KIAA1549L: variants seen among roughly 807,000 people sequenced by gnomAD.
KIAA1549L encodes UPF0606 protein KIAA1549L.
Under a neutral mutation model 160.7 loss-of-function variants are expected in KIAA1549L, and 88 were observed. The ratio of observed to expected loss-of-function variants is 0.55; its 90% confidence interval spans 0.46 to 0.65. The LOEUF (loss-of-function observed/expected upper bound fraction) is 0.65. KIAA1549L is among the 30% of genes least tolerant of loss of function. The pLI, the probability that KIAA1549L is intolerant of heterozygous loss-of-function variation, is 0.00. For synonymous variants in KIAA1549L, 950 were observed against 976.7 expected (o/e 0.97, Z 0.51); for missense variants, 2,258 against 2,437.5 (o/e 0.93, Z 1.55).
At position 33,506,344 on chromosome 11, in the gene KIAA1549L, G is replaced by A. The variant is rs1397019795; in HGVS notation, c.239-35458G>A. Among the ~76,000 whole-genome samples, 3 of 152,342 alleles carry A rather than the reference G, an allele frequency of 2.0e-5. No individual in the cohort carries two copies. In the East Asian group the frequency reaches 5.8e-4, roughly 29 times the overall value. On this transcript the variant is annotated intron_variant, in intron 1 of 20. Coordinates refer to ENST00000658780, the MANE Select transcript of KIAA1549L (RefSeq NM_012194.3). The stretch of plus-strand genomic sequence containing the variant: ...CTGATTCAAAGCACATGCTGGGGCT[G>A]CAAGGCGCTCGAGTTAGAAAACCAT...
rs976437734 is a variant in KIAA1549L, at chr11:33,669,339, C to T, written c.*1185C>T. On this transcript the variant is annotated 3_prime_UTR_variant, in exon 21 of 21. Transcript: ENST00000658780. ...TGTGACCATGATGTTGCAAGTTGCC[C>T]TCCCTGGCATGGTGAGTTGGCTTCC... 2 of 152,320 alleles carry T rather than the reference C, an allele frequency of 1.3e-5. No individual in the cohort carries two copies. Among genetic ancestry groups the T allele is most frequent in the African/African-American group, 4.8e-5 (2 of 41,568 alleles). 9.4% of individuals were successfully genotyped at this position (152,320 alleles called of 1,614,324 possible).
chr11:33,440,152 C>T lies in KIAA1549L; in HGVS notation c.238+63263C>T, dbSNP rs1489203448. ...TTTTTTTTTTTTTTTTTTTTTGAGA[C>T]GGAGTCTCGCTCTGTCGCCCAGGCT... On this transcript the variant is annotated intron_variant, in intron 1 of 20. Coordinates refer to ENST00000658780, the MANE Select transcript of KIAA1549L (RefSeq NM_012194.3). Among the ~76,000 whole-genome samples the T allele has an allele frequency of 1.5e-3, 102 of 69,542 alleles. 2 individuals are homozygous for T. The highest frequency in any genetic ancestry group is 2.1e-3 in the African/African-American group (44 of 21,144). The allele number at this position is 69,542 out of a possible 152,430, so 45.6% of individuals were successfully genotyped here. A position where few individuals can be genotyped will look rare whatever the true frequency, so the allele number is the denominator to read the frequency against.
chr11:33,591,100 G>A (rs1850038978), intron 11 of KIAA1549L, 137 bp from the exon 12 acceptor site: 1 of 672,192 alleles, frequency 1.5e-6, no homozygotes, highest in South Asian at 1.7e-5. Flanking sequence ...ATAATGATGG[G>A]GATTTGAGTT....
chr11:33,542,606 TG>T lies in KIAA1549L; in HGVS notation c.1045del (p.Ala349GlnfsTer81). ...TCCACACCTGGGTTTTTGAGCCCCATGGCAGAACTGTCCCATCCGTCTCCCC... is the reference window on the plus strand; with the variant it reads ...TCCACACCTGGGTTTTTGAGCCCCATGCAGAACTGTCCCATCCGTCTCCCC... ...GSSTPGFLSP[M>X]AELSHPSPPP... On this transcript the variant is annotated frameshift_variant, in exon 2 of 21. Transcript: ENST00000658780. LOFTEE classifies it high-confidence loss of function. 6.2e-7 allele frequency: 1 copy of T among 1,613,970 alleles called. No individual in the cohort carries two copies. Among genetic ancestry groups the T allele is most frequent in the Non-Finnish European group, 8.5e-7 (1 of 1,179,868 alleles).
intron 1 of KIAA1549L, among the ~76,000 whole-genome samples, chr11:33,455,416 T>C (rs923811909): frequency 2.0e-5 from 3 of 152,168 alleles, no homozygotes; most frequent in Admixed American, 1.3e-4. Context: ...CTTTTGGACA[T>C]TAAAGCTTTA....
chr11:33,660,384 T>A (rs547457973), intron 19 of KIAA1549L, among the ~76,000 whole-genome samples: 1 of 152,228 alleles, frequency 6.6e-6, no homozygotes, highest in South Asian at 2.1e-4. Context: ...GAGACCACGG[T>A]GAAACCCCAT....
At chr11:33,606,917 C>A in intron 14 of KIAA1549L, 95 bp downstream of exon 14, 2 of 1,073,274 alleles carry the variant, frequency 1.9e-6, no homozygotes, top group Non-Finnish European at 2.7e-6. Context: ...GTGCAGATTG[C>A]ACCTAGGGCC....
At chr11:33,399,004 G>T (rs1850444308) in intron 1 of KIAA1549L, among the ~76,000 whole-genome samples, 1 of 149,202 alleles carries the variant, frequency 6.7e-6, no homozygotes, top group African/African-American at 2.5e-5. Flanking sequence ...CCAGGCTGGA[G>T]TTCAGTGGCA....
chr11:33,541,248 T>C (rs1300112485), intron 1 of KIAA1549L, among the ~76,000 whole-genome samples: 3 of 152,208 alleles, frequency 2.0e-5, no homozygotes, highest in African/African-American at 7.2e-5. Context: ...AAAGAAAATC[T>C]CCTTTGCTAT....
At chr11:33,449,262 G>A (rs1019278872) in intron 1 of KIAA1549L, among the ~76,000 whole-genome samples, 4 of 151,532 alleles carry the variant, frequency 2.6e-5, no homozygotes, top group African/African-American at 9.7e-5. Context: ...GTGATCTCTA[G>A]AGATTGTTTC....
At chr11:33,537,320 T>C (rs1853916370) in intron 1 of KIAA1549L, among the ~76,000 whole-genome samples, 1 of 152,204 alleles carries the variant, frequency 6.6e-6, no homozygotes, top group Non-Finnish European at 1.5e-5. Flanking sequence ...TGAAAAATGC[T>C]GGTGTCCATA....
intron 1 of KIAA1549L, among the ~76,000 whole-genome samples, chr11:33,407,196 T>C (rs1006784527): frequency 2.0e-5 from 3 of 148,826 alleles, no homozygotes; most frequent in South Asian, 2.2e-4. Context: ...GCCATTCTCC[T>C]GCCTCAGCCT....
chr11:33,557,483 G>A (rs182251146), intron 6 of KIAA1549L, among the ~76,000 whole-genome samples: 1 of 152,252 alleles, frequency 6.6e-6, no homozygotes, highest in Admixed American at 6.5e-5. Context: ...ATGCCTTGGG[G>A]AAGAGGCTAA....
chr11:33,612,640 GT>G (rs1245891525), intron 15 of KIAA1549L, among the ~76,000 whole-genome samples: 3 of 150,460 alleles, frequency 2.0e-5, no homozygotes, highest in Admixed American at 2.0e-4. Flanking sequence ...GAAGTTACAT[GT>G]GCAGGTTTGT....
At chr11:33,581,805 T>G (rs1454220997) in intron 10 of KIAA1549L, among the ~76,000 whole-genome samples, 1 of 152,246 alleles carries the variant, frequency 6.6e-6, no homozygotes, top group Non-Finnish European at 1.5e-5. Flanking sequence ...GACTGTTAAA[T>G]GAATTTATTA....
intron 20 of KIAA1549L, among the ~76,000 whole-genome samples, chr11:33,661,744 A>ATGG (rs1415774825): frequency 6.6e-6 from 1 of 152,018 alleles, no homozygotes; most frequent in Non-Finnish European, 1.5e-5. Flanking sequence ...GCTGGGCGTG[A>ATGG]TGGTGAGTGC....
chr11:33,400,850 G>A (rs1850484428), intron 1 of KIAA1549L, among the ~76,000 whole-genome samples: 1 of 152,148 alleles, frequency 6.6e-6, no homozygotes, highest in Non-Finnish European at 1.5e-5. Flanking sequence ...CTCTTATGAG[G>A]TAAGAACTGT....
intron 9 of KIAA1549L, among the ~76,000 whole-genome samples, chr11:33,571,001 T>C (rs1284173523): frequency 6.6e-6 from 1 of 152,192 alleles, no homozygotes; most frequent in African/African-American, 2.4e-5. Flanking sequence ...GAAATTCATC[T>C]CGACCAGGCA....
chr11:33,648,757 A>G (rs1851796486), intron 17 of KIAA1549L, among the ~76,000 whole-genome samples: 1 of 151,960 alleles, frequency 6.6e-6, no homozygotes, highest in African/African-American at 2.4e-5. Flanking sequence ...TAATGGATCT[A>G]TGCCAAGCAG....
Sources: allele counts gnomAD v4.1 joint callset (sites outside exome capture counted in the v4.1 genomes callset), GRCh38; gene constraint gnomAD v4.1.1; transcripts MANE v1.5; gene names NCBI Gene and HGNC (gene_info 2026-07-23, HGNC 2026-07-21).